DPP10: variants seen among roughly 807,000 people sequenced by gnomAD.
The protein encoded by DPP10 is dipeptidyl peptidase like 10.
In DPP10, 33 loss-of-function variants were observed where a neutral mutation model predicts 120.9. The ratio of observed to expected loss-of-function variants is 0.27; its 90% CI spans 0.21 to 0.37. The LOEUF (loss-of-function observed/expected upper bound fraction) is 0.37, where lower values mean the gene tolerates loss of function less well. Among genes scored for constraint, DPP10 ranks in the 10% least tolerant of loss-of-function variants. DPP10 has a pLI of 1.00. For synonymous variants in DPP10, 337 were observed against 326.1 expected, an observed-to-expected ratio of 1.03 and a Z score of -0.36; for missense variants, 816 against 942.8, an observed-to-expected ratio of 0.87 and a Z score of 1.76.
chr2:114,729,335 G>A (rs554727689), intron 1 of DPP10, among the ~76,000 whole-genome samples: 1 of 152,312 alleles, frequency 6.6e-6, no homozygotes, highest in African/African-American at 2.4e-5. Context: ...GGTTATAAGC[G>A]CAGCTAATTT....
At chr2:114,630,822 C>A (rs550769010) in intron 1 of DPP10, among the ~76,000 whole-genome samples, 48 of 152,214 alleles carry the variant, frequency 3.2e-4, no homozygotes, top group African/African-American at 1.1e-3. Context: ...ACCTCTCTGC[C>A]CTTCTGGTCC....
At chr2:114,700,729 T>C (rs1700338387) in intron 1 of DPP10, among the ~76,000 whole-genome samples, 1 of 152,134 alleles carries the variant, frequency 6.6e-6, no homozygotes, top group Admixed American at 6.6e-5. Context: ...TTTTCTTTAT[T>C]GCTTTCTCTT....
chr2:114,765,019 T>C (rs1251003136), intron 1 of DPP10, among the ~76,000 whole-genome samples: 4 of 152,152 alleles, frequency 2.6e-5, no homozygotes, highest in Admixed American at 2.6e-4. Flanking sequence ...ATGAACATGG[T>C]TTCAAATGAT....
At chr2:115,404,013 AATAT>A (rs1369729337) in intron 3 of DPP10, among the ~76,000 whole-genome samples, 2 of 152,234 alleles carry the variant, frequency 1.3e-5, no homozygotes, top group Non-Finnish European at 2.9e-5. Context: ...AAAAAAGTTA[AATAT>A]ATAGGTGTAA....
intron 1 of DPP10, among the ~76,000 whole-genome samples, chr2:114,574,864 C>T (rs934167051): frequency 6.6e-6 from 1 of 152,106 alleles, no homozygotes. Context: ...CCAGGATTTC[C>T]ATGAGTCCAT....
At chr2:115,315,542 T>A (rs2061754503) in intron 2 of DPP10, among the ~76,000 whole-genome samples, 1 of 152,178 alleles carries the variant, frequency 6.6e-6, no homozygotes, top group Non-Finnish European at 1.5e-5. Flanking sequence ...CTGACCTGTG[T>A]TTTAAAATGT....
intron 1 of DPP10, among the ~76,000 whole-genome samples, chr2:115,287,387 A>G (rs1411481599): frequency 2.0e-5 from 3 of 152,080 alleles, no homozygotes; most frequent in East Asian, 3.9e-4. Flanking sequence ...TAGTGTGCCC[A>G]ACACCAAAAT....
At chr2:114,877,612 C>A (rs745838423) in intron 1 of DPP10, among the ~76,000 whole-genome samples, 67 of 152,052 alleles carry the variant, frequency 4.4e-4, no homozygotes, top group Non-Finnish European at 7.4e-4. Context: ...GCCCCTGTCT[C>A]TATGGCATAC....
At position 115,640,784 on chromosome 2, in the gene DPP10, C is replaced by T. The variant is rs562739733; in HGVS notation, c.442-48903C>T. 1.4e-4 allele frequency among the ~76,000 whole-genome samples: 22 copies of T among 152,222 alleles called. 1 individual carries two copies. The South Asian group carries it at 4.4e-3, about 30-fold the overall frequency. On this transcript the variant is annotated intron_variant, in intron 5 of 25. Coordinates refer to ENST00000410059, the MANE Select transcript of DPP10 (RefSeq NM_020868.6). The stretch of plus-strand genomic sequence containing the variant: ...CAATTAGAGCTGGCCTGGATGGTTC[C>T]GGTTGCCTTGGGAATTTGGAAATTC...
chr2:114,844,665 T>C (rs1688409692), intron 1 of DPP10, among the ~76,000 whole-genome samples: 1 of 151,990 alleles, frequency 6.6e-6, no homozygotes, highest in Admixed American at 6.6e-5. Context: ...CTACTTTCTA[T>C]TTTTTATTTC....
At chr2:115,234,026 C>T (rs770975253) in intron 1 of DPP10, 9 of 489,430 alleles carry the variant, frequency 1.8e-5, no homozygotes, top group Non-Finnish European at 2.8e-5. Flanking sequence ...TTTCAAGGTA[C>T]CTTTATCTTG....
chr2:115,128,676 T>C (rs1157477097), intron 1 of DPP10, among the ~76,000 whole-genome samples: 3 of 152,232 alleles, frequency 2.0e-5, no homozygotes, highest in Non-Finnish European at 4.4e-5. Context: ...TAAGGAATTT[T>C]ACAAAATTTT....
chr2:115,413,561 C>G (rs980010495), intron 3 of DPP10, among the ~76,000 whole-genome samples: 4 of 152,076 alleles, frequency 2.6e-5, no homozygotes, highest in Admixed American at 6.5e-5. Flanking sequence ...ATAATATGTT[C>G]AAATTTTTAA....
intron 1 of DPP10, among the ~76,000 whole-genome samples, chr2:114,792,143 A>G (rs1386083419): frequency 6.6e-6 from 1 of 152,184 alleles, no homozygotes; most frequent in Non-Finnish European, 1.5e-5. Context: ...ATAGCCTATG[A>G]AATAAAATCT....
At chr2:114,974,047 T>C (rs1318295447) in intron 1 of DPP10, among the ~76,000 whole-genome samples, 1 of 152,158 alleles carries the variant, frequency 6.6e-6, no homozygotes, top group East Asian at 1.9e-4. Flanking sequence ...AAAAATTTAG[T>C]TTATAAAGTA....
chr2:115,554,966 C>T (rs2080116346), intron 5 of DPP10, among the ~76,000 whole-genome samples: 1 of 152,076 alleles, frequency 6.6e-6, no homozygotes, highest in African/African-American at 2.4e-5. Context: ...AATACAGGGG[C>T]AGCTCTAAAT....
intron 1 of DPP10, among the ~76,000 whole-genome samples, chr2:114,748,893 ATTTATAGTCATT>A (rs1463865434): frequency 9.3e-6 from 1 of 107,342 alleles, no homozygotes; most frequent in East Asian, 2.5e-4. Flanking sequence ...TAGCAGCATG[ATTTATAGTCATT>A]TGGGTATATA....
intron 1 of DPP10, among the ~76,000 whole-genome samples, chr2:114,928,636 C>T (rs1695822535): frequency 6.6e-6 from 1 of 152,062 alleles, no homozygotes; most frequent in African/African-American, 2.4e-5. Context: ...ATTCTGGGGT[C>T]TGGAAGGTGA....
At chr2:114,644,544 C>A (rs149074683) in intron 1 of DPP10, among the ~76,000 whole-genome samples, 2,130 of 151,986 alleles carry the variant, frequency 0.014, 25 homozygotes, top group Non-Finnish European at 0.023. Flanking sequence ...GTCAGTGAGA[C>A]CCTGTTGCCT....
Sources: gnomAD v4.1 joint callset for allele counts (sites outside exome capture counted in the v4.1 genomes callset) on GRCh38, gnomAD v4.1.1 for gene constraint, MANE v1.5 for transcripts, NCBI Gene and HGNC (gene_info 2026-07-23, HGNC 2026-07-21) for gene names.